FHOD3: variants seen among roughly 807,000 people sequenced by gnomAD.
The protein encoded by FHOD3 is formin homology 2 domain containing 3, also known as FH1/FH2 domain-containing protein 3.
In FHOD3, 90 loss-of-function variants were observed where a neutral mutation model predicts 173.0. That is an observed-to-expected ratio of 0.52 (90% CI 0.44 to 0.62). The LOEUF (loss-of-function observed/expected upper bound fraction) is 0.62. Among genes scored for constraint, FHOD3 ranks in the 20% least tolerant of loss-of-function variants. The pLI is 0.00. For synonymous variants in FHOD3, 828 were observed against 823.0 expected (o/e 1.01, Z -0.10); for missense variants, 1,945 against 2,034.7 (o/e 0.96, Z 0.85).
chr18:36,415,034 A>G (rs992434497), intron 3 of FHOD3, among the ~76,000 whole-genome samples: 4 of 152,136 alleles, frequency 2.6e-5, no homozygotes, highest in Non-Finnish European at 5.9e-5. Context: ...CTGGGGAGCA[A>G]GGACCACAGC....
rs148721247 is a variant in FHOD3, at chr18:36,739,326, G to A, written c.3577-1330G>A. 2.7e-3 allele frequency among the ~76,000 whole-genome samples: 416 copies of A among 152,164 alleles called. 3 individuals are homozygous for A. Among genetic ancestry groups the A allele is most frequent in the Admixed American group, 0.017 (263 of 15,282 alleles). On this transcript the variant is annotated intron_variant, in intron 20 of 28. Transcript: ENST00000590592. ...CAAGAACCCATACTTTGCTGACTCT[G>A]GGCACACTGCCTAGGAGTTAGCCCA... is the stretch of plus-strand genomic sequence containing the variant.
chr18:36,699,664 C>T (rs2039471929), intron 17 of FHOD3, among the ~76,000 whole-genome samples: 1 of 152,222 alleles, frequency 6.6e-6, no homozygotes, highest in South Asian at 2.1e-4. Context: ...AGCAGCCCTG[C>T]TTTCCCCCAT....
chr18:36,394,411 G>C (rs1249318425), intron 3 of FHOD3, among the ~76,000 whole-genome samples: 3 of 152,230 alleles, frequency 2.0e-5, no homozygotes, highest in Middle Eastern at 3.4e-3. Flanking sequence ...TAATTGGATG[G>C]GAAGGAGCCA....
intron 19 of FHOD3, among the ~76,000 whole-genome samples, chr18:36,719,335 A>G (rs1473730308): frequency 6.6e-6 from 1 of 152,234 alleles, no homozygotes; most frequent in Non-Finnish European, 1.5e-5. Context: ...TGTGATAGTA[A>G]CAAAGATGTT....
intron 1 of FHOD3, among the ~76,000 whole-genome samples, chr18:36,354,846 G>T (rs988939666): frequency 2.0e-5 from 3 of 151,646 alleles, no homozygotes; most frequent in African/African-American, 7.3e-5. Flanking sequence ...TGAGATCAGT[G>T]TGCATGCCTA....
At chr18:36,381,650 C>A (rs1310733194) in intron 3 of FHOD3, among the ~76,000 whole-genome samples, 1 of 150,864 alleles carries the variant, frequency 6.6e-6, no homozygotes, top group Non-Finnish European at 1.5e-5. Flanking sequence ...AGGTGTAGAT[C>A]CTATTGTGCC....
chr18:36,434,291 G>T (rs372099752), intron 3 of FHOD3, among the ~76,000 whole-genome samples: 1 of 152,098 alleles, frequency 6.6e-6, no homozygotes, highest in Non-Finnish European at 1.5e-5. Context: ...ATTAATAGTC[G>T]TTCAAACACC....
chr18:36,321,152 A>C (rs1453489589), intron 1 of FHOD3, among the ~76,000 whole-genome samples: 1 of 151,976 alleles, frequency 6.6e-6, no homozygotes, highest in East Asian at 1.9e-4. Context: ...ATGAGAACAC[A>C]GAAATGTTTC....
intron 3 of FHOD3, among the ~76,000 whole-genome samples, chr18:36,452,956 C>T (rs1188275102): frequency 1.3e-5 from 2 of 152,096 alleles, no homozygotes; most frequent in Admixed American, 1.3e-4. Context: ...GACATCTCGG[C>T]TATTGTAAAC....
chr18:36,418,123 C>G (rs570856300), intron 3 of FHOD3, among the ~76,000 whole-genome samples: 5 of 152,208 alleles, frequency 3.3e-5, no homozygotes, highest in Non-Finnish European at 5.9e-5. Flanking sequence ...GATTTGCTGA[C>G]ACTCTTGCCC....
At chr18:36,328,202 G>A (rs763618025) in intron 1 of FHOD3, among the ~76,000 whole-genome samples, 50 of 152,300 alleles carry the variant, frequency 3.3e-4, no homozygotes, top group Non-Finnish European at 6.9e-4. Context: ...TGTTTGGCAG[G>A]TGGTAAAGAT....
chr18:36,547,828 T>C (rs1324909215), intron 5 of FHOD3, among the ~76,000 whole-genome samples: 1 of 152,150 alleles, frequency 6.6e-6, no homozygotes, highest in Non-Finnish European at 1.5e-5. Context: ...GTTGGTTGTT[T>C]TGAGCTAAGC....
At chr18:36,471,289 G>A (rs2053269825) in intron 3 of FHOD3, among the ~76,000 whole-genome samples, 1 of 152,112 alleles carries the variant, frequency 6.6e-6, no homozygotes, top group Non-Finnish European at 1.5e-5. Flanking sequence ...CTCTCCCTGA[G>A]GCCCCACACC....
intron 5 of FHOD3, among the ~76,000 whole-genome samples, chr18:36,547,093 C>T (rs1396483650): frequency 2.0e-5 from 3 of 152,202 alleles, no homozygotes; most frequent in African/African-American, 7.2e-5. Context: ...GGCCCTGTGT[C>T]CTGCCGCCTT....
intron 3 of FHOD3, among the ~76,000 whole-genome samples, chr18:36,443,511 A>AT (rs1416439585): frequency 6.6e-6 from 1 of 152,066 alleles, no homozygotes; most frequent in Admixed American, 6.5e-5. Context: ...CCCTCATCAC[A>AT]TTTTTTGAAT....
chr18:36,518,653 T>C (rs2056117441), intron 5 of FHOD3, among the ~76,000 whole-genome samples: 2 of 152,206 alleles, frequency 1.3e-5, no homozygotes, highest in Admixed American at 1.3e-4. Flanking sequence ...ATTTAAAAAC[T>C]TGGAGATTTG....
chr18:36,583,171 C>G (rs1261733776), intron 6 of FHOD3, among the ~76,000 whole-genome samples: 1 of 152,180 alleles, frequency 6.6e-6, no homozygotes, highest in South Asian at 2.1e-4. Flanking sequence ...ATTTTAGGGT[C>G]ATTGTACAAT....
At chr18:36,473,114 A>G (rs2053375307) in intron 3 of FHOD3, among the ~76,000 whole-genome samples, 1 of 152,228 alleles carries the variant, frequency 6.6e-6, no homozygotes, top group South Asian at 2.1e-4. Flanking sequence ...GGCCAGCACC[A>G]CCAGCTTCTC....
At chr18:36,513,125 G>C (rs2055753128) in intron 5 of FHOD3, among the ~76,000 whole-genome samples, 1 of 148,796 alleles carries the variant, frequency 6.7e-6, no homozygotes, top group Non-Finnish European at 1.5e-5. Flanking sequence ...AGTTAATGGT[G>C]TTTTTATAGT....
Sources: gnomAD v4.1 joint callset for allele counts (sites outside exome capture counted in the v4.1 genomes callset) on GRCh38, gnomAD v4.1.1 for gene constraint, MANE v1.5 for transcripts, NCBI Gene and HGNC (gene_info 2026-07-23, HGNC 2026-07-21) for gene names.